The following RIPOR2 variants were observed in gnomAD, a reference collection of about 807,000 sequenced individuals.
RIPOR2 encodes RHO family interacting cell polarization regulator 2, also known as rho family-interacting cell polarization regulator 2.
A neutral mutation model predicts 114.5 loss-of-function variants in RIPOR2; 39 were observed. The observed-to-expected ratio is 0.34, with a 90% CI of 0.26 to 0.44. The LOEUF is 0.44. RIPOR2 is among the 20% of genes least tolerant of loss of function. The pLI is 1.00. For synonymous variants in RIPOR2, 445 were observed against 484.4 expected (o/e 0.92, Z 1.07); for missense variants, 1,007 against 1,255.1 (o/e 0.80, Z 2.99).
At chr6:24,820,974 G>A (rs1352104661) in intron 19 of RIPOR2, among the ~76,000 whole-genome samples, 1 of 143,206 alleles carries the variant, frequency 7.0e-6, no homozygotes, top group African/African-American at 2.6e-5. Context: ...CTGGGTTCAA[G>A]CCATACGCCC....
chr6:24,831,818 C>T (rs934051638), intron 16 of RIPOR2, among the ~76,000 whole-genome samples: 6 of 152,214 alleles, frequency 3.9e-5, no homozygotes, highest in Non-Finnish European at 8.8e-5. Context: ...ATCAGGAACT[C>T]TCCTGGAGGC....
intron 1 of RIPOR2, among the ~76,000 whole-genome samples, chr6:24,920,333 T>C (rs1026856305): frequency 6.6e-6 from 1 of 152,208 alleles, no homozygotes; most frequent in Non-Finnish European, 1.5e-5. Flanking sequence ...TAGCACCAAA[T>C]GCAGGAGAGC....
chr6:25,034,434 G>C (rs563488374), intron 1 of RIPOR2, among the ~76,000 whole-genome samples: 14 of 152,252 alleles, frequency 9.2e-5, no homozygotes, highest in Admixed American at 6.5e-4. Flanking sequence ...ATAGTGGGTT[G>C]AATCTAGGCT....
intron 21 of RIPOR2, among the ~76,000 whole-genome samples, chr6:24,808,140 T>A (rs1206029448): frequency 6.6e-6 from 1 of 152,142 alleles, no homozygotes; most frequent in Non-Finnish European, 1.5e-5. Flanking sequence ...ACTGGTGGTG[T>A]GAGAGGGCCC....
chr6:24,977,854 C>T (rs1774133972), intron 1 of RIPOR2, among the ~76,000 whole-genome samples: 1 of 152,164 alleles, frequency 6.6e-6, no homozygotes, highest in Non-Finnish European at 1.5e-5. Context: ...CTCCCTACCT[C>T]CATGTATTCA....
chr6:24,867,874 T>C (rs951104154), intron 6 of RIPOR2, among the ~76,000 whole-genome samples: 1 of 152,238 alleles, frequency 6.6e-6, no homozygotes, highest in African/African-American at 2.4e-5. Flanking sequence ...ATATAAGATA[T>C]TGCAAACAGA....
chr6:24,962,055 C>G (rs1295631795), intron 1 of RIPOR2, among the ~76,000 whole-genome samples: 3 of 152,190 alleles, frequency 2.0e-5, no homozygotes, highest in Admixed American at 2.0e-4. Context: ...CAAGAAGCAG[C>G]AGCCAAATGC....
At chr6:24,862,736 A>C (rs1232982296) in intron 7 of RIPOR2, among the ~76,000 whole-genome samples, 1 of 152,052 alleles carries the variant, frequency 6.6e-6, no homozygotes, top group Non-Finnish European at 1.5e-5. Context: ...TCTCTGAAAA[A>C]CGTGAGAGCA....
intron 16 of RIPOR2, among the ~76,000 whole-genome samples, 176 bp downstream of exon 16, chr6:24,832,080 T>C (rs1351297524): frequency 6.6e-6 from 1 of 152,164 alleles, no homozygotes; most frequent in Admixed American, 6.5e-5. Context: ...CTGCTTTGAC[T>C]CAGAAAGCCG....
intron 1 of RIPOR2, among the ~76,000 whole-genome samples, chr6:24,884,918 A>C (rs1218284084): frequency 6.6e-6 from 1 of 152,202 alleles, no homozygotes; most frequent in African/African-American, 2.4e-5. Flanking sequence ...ACTTAGTTTT[A>C]ACTCACTTGA....
chr6:24,868,946 T>C (rs1764889983), intron 6 of RIPOR2, 148 bp downstream of exon 6: 2 of 546,138 alleles, frequency 3.7e-6, no homozygotes, highest in Admixed American at 3.4e-5. Context: ...CCATCTTTAG[T>C]GCCCACTTGA....
intron 8 of RIPOR2, among the ~76,000 whole-genome samples, chr6:24,855,142 A>G (rs1240719384): frequency 2.0e-5 from 3 of 152,090 alleles, no homozygotes; most frequent in African/African-American, 7.2e-5. Context: ...ACTGTTAAAA[A>G]TAATTATCTC....
chr6:24,965,957 T>C (rs906948772), intron 1 of RIPOR2, among the ~76,000 whole-genome samples: 7 of 151,896 alleles, frequency 4.6e-5, no homozygotes, highest in Non-Finnish European at 8.8e-5. Flanking sequence ...TTGGAGGATC[T>C]CAGATGATCA....
At chr6:24,876,983 G>A (rs1379952824) in intron 1 of RIPOR2, 1 of 985,296 alleles carries the variant, frequency 1.0e-6, no homozygotes, top group African/African-American at 1.7e-5. Flanking sequence ...AATCCAGAGA[G>A]GGGGACAGGC....
intron 1 of RIPOR2, among the ~76,000 whole-genome samples, chr6:24,984,988 A>C (rs963349492): frequency 1.3e-5 from 2 of 152,224 alleles, no homozygotes; most frequent in African/African-American, 4.8e-5. Context: ...GCCACCTGCC[A>C]AATCAACTTA....
chr6:24,956,854 C>A (rs2114213255), intron 1 of RIPOR2, among the ~76,000 whole-genome samples: 1 of 152,322 alleles, frequency 6.6e-6, no homozygotes, highest in Admixed American at 6.5e-5. Flanking sequence ...TTAAGATTTT[C>A]TCTTTCGATT....
chr6:24,826,760 A>C (rs1191974976), intron 18 of RIPOR2, among the ~76,000 whole-genome samples: 1 of 152,232 alleles, frequency 6.6e-6, no homozygotes, highest in South Asian at 2.1e-4. Flanking sequence ...CATAATATCA[A>C]ATAAAAAACA....
intron 1 of RIPOR2, among the ~76,000 whole-genome samples, chr6:24,969,755 G>A (rs9379700): frequency 0.2 from 29,764 of 151,980 alleles, 3,491 homozygotes; most frequent in East Asian, 0.54. Flanking sequence ...CCACTGCCCT[G>A]CCCCTTACTG....
chr6:24,878,629 C>A (rs1268628145), intron 1 of RIPOR2, among the ~76,000 whole-genome samples: 1 of 152,126 alleles, frequency 6.6e-6, no homozygotes, highest in Non-Finnish European at 1.5e-5. Context: ...TGATGCCTGG[C>A]TCCTATCCCC....
Sources: allele counts gnomAD v4.1 joint callset (sites outside exome capture counted in the v4.1 genomes callset), GRCh38; gene constraint gnomAD v4.1.1; transcripts MANE v1.5; gene names NCBI Gene and HGNC (gene_info 2026-07-23, HGNC 2026-07-21).